Variants in POU2F3 observed in about 807,000 individuals in gnomAD.
The protein encoded by POU2F3 is POU class 2 homeobox 3.
Under a neutral mutation model 59.2 loss-of-function variants are expected in POU2F3, and 23 were observed. The observed-to-expected ratio is 0.39, with a 90% CI of 0.28 to 0.55. The LOEUF is 0.55. Ranked by LOEUF, POU2F3 falls within the 20% of genes least tolerant of loss-of-function variation. The pLI is 0.66. For synonymous variants in POU2F3, 190 were observed against 214.6 expected (o/e 0.89, Z 1.00); for missense variants, 473 against 544.5 (o/e 0.87, Z 1.31).
intron 3 of POU2F3, among the ~76,000 whole-genome samples, chr11:120,289,385 C>T (rs1165237365): frequency 1.3e-5 from 2 of 152,174 alleles, no homozygotes; most frequent in Non-Finnish European, 2.9e-5. Flanking sequence ...CGGCTACCCT[C>T]GCTACAGTCA....
intron 7 of POU2F3, 130 bp from the exon 8 acceptor site, chr11:120,305,514 G>A (rs1174288692): frequency 2.9e-6 from 4 of 1,361,496 alleles, no homozygotes; most frequent in Non-Finnish European, 1.0e-6. Context: ...ACTTGGAAAG[G>A]AGCCGAGCAT....
At chr11:120,241,357 C>G (rs1195588356) in intron 1 of POU2F3, among the ~76,000 whole-genome samples, 1 of 152,180 alleles carries the variant, frequency 6.6e-6, no homozygotes, top group Non-Finnish European at 1.5e-5. Flanking sequence ...CCAGACCCAC[C>G]CCAAGAAGCA....
intron 2 of POU2F3, among the ~76,000 whole-genome samples, chr11:120,258,104 C>A (rs980883951): frequency 1.3e-5 from 2 of 152,208 alleles, no homozygotes; most frequent in East Asian, 3.9e-4. Context: ...TCCACACGCG[C>A]CCCTCTGAGC....
chr11:120,298,262 C>T lies in POU2F3; in HGVS notation c.133-3C>T. 1.2e-6 allele frequency: 2 copies of T among 1,610,124 alleles called. No homozygotes were observed. Among genetic ancestry groups the T allele is most frequent in the Non-Finnish European group, 1.7e-6 (2 of 1,178,542 alleles). On this transcript the variant is annotated splice_polypyrimidine_tract_variant and splice_region_variant and intron_variant, in intron 3 of 12. Coordinates refer to ENST00000543440, the MANE Select transcript of POU2F3 (RefSeq NM_014352.4). ...GACGCTCTCCTCTTGCTTCCACTTG[C>T]AGATTAAAACCGAAGATCTCAGTGA...
chr11:120,313,464 A>G (rs1941706264), intron 10 of POU2F3, among the ~76,000 whole-genome samples: 1 of 152,210 alleles, frequency 6.6e-6, no homozygotes, highest in Non-Finnish European at 1.5e-5. Flanking sequence ...AAAAGGAGGG[A>G]GAAAATTTTC....
chr11:120,240,415 T>C, intron 1 of POU2F3, 44 bp downstream of exon 1: 1 of 1,351,748 alleles, frequency 7.4e-7, no homozygotes, highest in South Asian at 2.2e-5. Flanking sequence ...TCACTGCGCG[T>C]GGGCAGGGGT....
chr11:120,281,972 A>T (rs1273142925), intron 3 of POU2F3, among the ~76,000 whole-genome samples: 1 of 152,196 alleles, frequency 6.6e-6, no homozygotes, highest in Non-Finnish European at 1.5e-5. Flanking sequence ...AGTTGTTGTT[A>T]TTCCCATTGC....
chr11:120,278,711 C>A (rs1481946585), intron 3 of POU2F3, among the ~76,000 whole-genome samples: 2 of 152,228 alleles, frequency 1.3e-5, no homozygotes, highest in East Asian at 3.9e-4. Context: ...AATGTTCAGG[C>A]AGGAGATAAT....
intron 3 of POU2F3, among the ~76,000 whole-genome samples, chr11:120,276,049 G>C (rs542412100): frequency 2.6e-5 from 4 of 152,158 alleles, no homozygotes; most frequent in Non-Finnish European, 4.4e-5. Context: ...GTTTCTTCAG[G>C]GAGGCCAGTG....
At position 120,244,231 on chromosome 11, in the gene POU2F3, A is replaced by G. The variant is rs150591591; in HGVS notation, c.29-2218A>G. 3.0e-4 allele frequency among the ~76,000 whole-genome samples: 45 copies of G among 152,270 alleles called. 1 individual carries two copies. Among genetic ancestry groups the G allele is most frequent in the African/African-American group, 1.1e-3 (45 of 41,564 alleles). ...TTTCCCAGATAAAGGACAAATTACA[A>G]TGGTGCTGAGACAGAAAACCAAAGC... On this transcript the variant is annotated intron_variant, in intron 1 of 12. Coordinates refer to ENST00000543440, the MANE Select transcript of POU2F3 (RefSeq NM_014352.4).
intron 3 of POU2F3, among the ~76,000 whole-genome samples, chr11:120,288,145 A>AC (rs1940873932): frequency 6.7e-6 from 1 of 148,258 alleles, no homozygotes; most frequent in Non-Finnish European, 1.5e-5. Flanking sequence ...AAAAAAAAAA[A>AC]AAACAAGAAA....
chr11:120,236,770 TGA>T, upstream of POU2F3: 4 of 1,397,828 alleles, frequency 2.9e-6, no homozygotes, highest in Admixed American at 2.0e-5. Flanking sequence ...TGAGCAAGTC[TGA>T]GAGAGAAGGA....
chr11:120,283,208 A>G (rs1242019694), intron 3 of POU2F3, among the ~76,000 whole-genome samples: 1 of 152,158 alleles, frequency 6.6e-6, no homozygotes, highest in Non-Finnish European at 1.5e-5. Context: ...TTCCTTTCTG[A>G]GGATTTGGTG....
rs1940751285 is a variant in POU2F3, at chr11:120,285,607, T to C, written c.133-12658T>C. Among the ~76,000 whole-genome samples, 1 of 152,232 alleles carries C rather than the reference T, an allele frequency of 6.6e-6. No individual in the cohort carries two copies. Among genetic ancestry groups the C allele is most frequent in the Admixed American group, 6.5e-5 (1 of 15,284 alleles). ...TCATAATAAAGATTAAAAAGGAAGA[T>C]TATTTTTATCCCTGTTCATGCTCAG... On this transcript the variant is annotated intron_variant, in intron 3 of 12. Transcript: ENST00000543440. This position sits in a 1 kb window ranked among gnomAD's most constrained non-coding sequence, Gnocchi z 4.3.
intron 6 of POU2F3, chr11:120,303,218 A>C (rs1941397459): frequency 7.4e-6 from 1 of 135,422 alleles, no homozygotes; most frequent in Middle Eastern, 3.7e-3. Context: ...CTAGTGGTTG[A>C]AATGGGGACA....
chr11:120,308,494 A>AG (rs1033161027), intron 9 of POU2F3, among the ~76,000 whole-genome samples: 1 of 152,158 alleles, frequency 6.6e-6, no homozygotes, highest in African/African-American at 2.4e-5. Context: ...GTGTAGGAGT[A>AG]GGGGAAAGTG....
In POU2F3 at chr11:120,305,662, A is replaced by C; in HGVS notation, c.646A>C (p.Met216Leu). 6.2e-7 allele frequency: 1 copy of C among 1,613,876 alleles called. No homozygotes were observed. Among genetic ancestry groups the C allele is most frequent in the Non-Finnish European group, 8.5e-7 (1 of 1,180,028 alleles). ...CGCTTAGGGAGATGTGGGGCTGGCG[A>C]TGGGAAAGCTGTATGGCAACGACTT... The part of the protein sequence containing the change: ...GFTQGDVGLA[M>L]GKLYGNDFSQ... Residue 216 changes from methionine (M) to leucine (L), a missense_variant, in exon 8 of 13, where the codon ATG (methionine) becomes CTG (leucine). By Grantham distance (15) the Met-to-Leu change is conservative. Coordinates refer to ENST00000543440, the MANE Select transcript of POU2F3 (RefSeq NM_014352.4).
At chr11:120,259,611 C>CT (rs1939507314) in intron 2 of POU2F3, among the ~76,000 whole-genome samples, 1 of 152,224 alleles carries the variant, frequency 6.6e-6, no homozygotes, top group Non-Finnish European at 1.5e-5. Context: ...CTTCAGGTGG[C>CT]TTCAAGGATT....
intron 2 of POU2F3, chr11:120,258,942 G>T (rs1487330542): frequency 6.6e-6 from 1 of 152,212 alleles, no homozygotes; most frequent in Non-Finnish European, 1.5e-5. Context: ...AATGTGGGTT[G>T]TATTTCCTAA....
Sources: allele counts gnomAD v4.1 joint callset (sites outside exome capture counted in the v4.1 genomes callset), GRCh38; gene constraint gnomAD v4.1.1; non-coding constraint Gnocchi (gnomAD v3.1); transcripts MANE v1.5; gene names NCBI Gene and HGNC (gene_info 2026-07-23, HGNC 2026-07-21).